Variants in RTN4 observed in about 807,000 individuals in gnomAD.
RTN4 encodes reticulon-4.
In RTN4, 32 loss-of-function variants were observed where a neutral mutation model predicts 90.4. The ratio of observed to expected loss-of-function variants is 0.35; its 90% CI spans 0.27 to 0.48. RTN4 has a LOEUF of 0.48. Among genes scored for constraint, RTN4 ranks in the 20% least tolerant of loss-of-function variants. The pLI is 0.99. For synonymous variants in RTN4, 629 were observed against 552.5 expected (o/e 1.14, Z -1.94); for missense variants, 1,706 against 1,430.2 (o/e 1.19, Z -3.11).
At chr2:55,043,162 T>C (rs1373639991) in intron 1 of RTN4, among the ~76,000 whole-genome samples, 1 of 152,218 alleles carries the variant, frequency 6.6e-6, no homozygotes, top group Non-Finnish European at 1.5e-5. Context: ...AAAGGTCACA[T>C]TCATTCAAAC....
At chr2:55,023,219 C>T (rs867067391) in intron 3 of RTN4, among the ~76,000 whole-genome samples, 1 of 152,132 alleles carries the variant, frequency 6.6e-6, no homozygotes, top group African/African-American at 2.4e-5. Context: ...TGAATCAATA[C>T]AATCATTTGC....
chr2:55,042,806 T>G (rs920682691), intron 1 of RTN4, among the ~76,000 whole-genome samples: 2 of 152,166 alleles, frequency 1.3e-5, no homozygotes, highest in African/African-American at 4.8e-5. Flanking sequence ...GCAGACACAA[T>G]GCATACAGTC....
In RTN4 at chr2:55,098,775, C is replaced by G. The variant is rs7596128; in HGVS notation, c.-214+13745G>C. On this transcript the variant is annotated intron_variant, in intron 1 of 3. Coordinates refer to the RTN4 transcript ENST00000427710. ...GTTTCCCCCTGAACCCCCTTTCTTGCGAATTATTTATTGACGAAATCAGGT... is the reference window on the plus strand; with the variant it reads ...GTTTCCCCCTGAACCCCCTTTCTTGGGAATTATTTATTGACGAAATCAGGT... Among the ~76,000 whole-genome samples the G allele has an allele frequency of 1.5e-4, 23 of 151,966 alleles. No homozygotes were observed. The East Asian group carries it at 1.9e-3, about 13-fold the overall frequency.
At chr2:55,131,744 C>T in the RTN4 span, among the ~76,000 whole-genome samples, 1 of 151,772 alleles carries the variant, frequency 6.6e-6, no homozygotes, top group Non-Finnish European at 1.5e-5. Flanking sequence ...ATTAGCCGGG[C>T]GTGGTGGTGT....
At chr2:54,984,579 T>TC (rs1486873015) in intron 4 of RTN4, among the ~76,000 whole-genome samples, 1 of 152,196 alleles carries the variant, frequency 6.6e-6, no homozygotes, top group African/African-American at 2.4e-5. Flanking sequence ...AAGACAGTAC[T>TC]CCCCATCAAT....
chr2:55,103,772 G>A (rs1412538216), intron 1 of RTN4, among the ~76,000 whole-genome samples: 1 of 151,946 alleles, frequency 6.6e-6, no homozygotes, highest in Non-Finnish European at 1.5e-5. Flanking sequence ...TCGGCTCACT[G>A]CAACCTCCAC....
intron 1 of RTN4, among the ~76,000 whole-genome samples, chr2:55,038,124 T>C (rs1310800309): frequency 2.6e-5 from 4 of 152,108 alleles, no homozygotes; most frequent in Admixed American, 6.5e-5. Flanking sequence ...ACTCATACCA[T>C]AGACAAAAAC....
intron 1 of RTN4, among the ~76,000 whole-genome samples, chr2:55,110,948 G>A (rs1668027459): frequency 6.6e-6 from 1 of 152,168 alleles, no homozygotes. Flanking sequence ...AGCTGAGGCA[G>A]GAGAATTGCT....
chr2:55,037,861 C>G (rs1039647799), intron 1 of RTN4, among the ~76,000 whole-genome samples: 8 of 152,118 alleles, frequency 5.3e-5, no homozygotes, highest in Admixed American at 4.6e-4. Context: ...GAAAAAAGAT[C>G]AAACTTGCAG....
At chr2:55,062,092 G>C (rs1668306577) in intron 2 of RTN4, among the ~76,000 whole-genome samples, 1 of 152,136 alleles carries the variant, frequency 6.6e-6, no homozygotes. Context: ...GCAGAACAGA[G>C]TTTGGCCAGG....
intron 3 of RTN4, among the ~76,000 whole-genome samples, chr2:55,005,569 C>CA: frequency 6.6e-6 from 1 of 152,168 alleles, no homozygotes; most frequent in Non-Finnish European, 1.5e-5. Context: ...GCGCCCAAAG[C>CA]CTAAATAACA....
chr2:54,980,637 C>T (rs562325847), intron 5 of RTN4, among the ~76,000 whole-genome samples: 2 of 152,236 alleles, frequency 1.3e-5, no homozygotes, highest in East Asian at 3.9e-4. Context: ...AAACAACAAG[C>T]ATCTCTCCTC....
chr2:55,070,770 T>TTG (rs764567360), intron 2 of RTN4, among the ~76,000 whole-genome samples: 451 of 137,018 alleles, frequency 3.3e-3, no homozygotes, highest in Non-Finnish European at 5.0e-3. Flanking sequence ...GTTGTTGTTG[T>TTG]TTGTTTTTTT....
the RTN4 span, among the ~76,000 whole-genome samples, chr2:55,130,509 G>A: frequency 6.6e-6 from 1 of 152,186 alleles, no homozygotes; most frequent in Non-Finnish European, 1.5e-5. Context: ...CAGCACTTTG[G>A]GGAGGGTGAT....
At chr2:55,135,303 G>A in the RTN4 span, among the ~76,000 whole-genome samples, 1 of 150,544 alleles carries the variant, frequency 6.6e-6, no homozygotes, top group African/African-American at 2.4e-5. Flanking sequence ...CGCCTCCCAG[G>A]CTCAAGCAAT....
intron 5 of RTN4, among the ~76,000 whole-genome samples, chr2:54,978,352 C>T (rs1477731201): frequency 1.3e-5 from 2 of 150,374 alleles, no homozygotes; most frequent in African/African-American, 2.5e-5. Context: ...ATCACTTGAA[C>T]CTGGAAGGCA....
At chr2:55,130,813 C>G in the RTN4 span, among the ~76,000 whole-genome samples, 3 of 152,096 alleles carry the variant, frequency 2.0e-5, no homozygotes, top group Non-Finnish European at 4.4e-5. Flanking sequence ...GGTTTCAGTT[C>G]ATGTCTGACT....
At chr2:55,008,100 C>T (rs1001544482) in intron 3 of RTN4, among the ~76,000 whole-genome samples, 2 of 151,156 alleles carry the variant, frequency 1.3e-5, no homozygotes, top group Non-Finnish European at 2.9e-5. Flanking sequence ...TGCTTTCAGC[C>T]TGAAAGATCG....
intron 3 of RTN4, among the ~76,000 whole-genome samples, chr2:55,013,062 T>G (rs192165790): frequency 1.6e-3 from 238 of 152,288 alleles, no homozygotes; most frequent in Non-Finnish European, 2.5e-3. Flanking sequence ...TTTGACTATT[T>G]GAGACAGGAA....
Sources: gnomAD v4.1 joint callset for allele counts (sites outside exome capture counted in the v4.1 genomes callset) on GRCh38, gnomAD v4.1.1 for gene constraint, MANE v1.5 for transcripts, NCBI Gene and HGNC (gene_info 2026-07-23, HGNC 2026-07-21) for gene names.